TEX12: variants seen among roughly 807,000 people sequenced by gnomAD.
The protein encoded by TEX12 is testis-expressed protein 12.
TEX12 carries 7 observed loss-of-function variants against 14.6 expected under a neutral mutation model. That is an observed-to-expected ratio of 0.48 (90% CI 0.27 to 0.90). The LOEUF (loss-of-function observed/expected upper bound fraction) is 0.90, where lower values mean the gene tolerates loss of function less well. Ranked by LOEUF, TEX12 falls within the 40% of genes least tolerant of loss-of-function variation. The probability of loss-of-function intolerance (pLI) is 0.12; values close to 1 mark genes in which losing one functional copy is unlikely to be tolerated. For synonymous variants in TEX12, 57 were observed against 49.1 expected (o/e 1.16, Z -0.67); for missense variants, 121 against 135.7 (o/e 0.89, Z 0.54).
intron 1 of TEX12, among the ~76,000 whole-genome samples, chr11:112,167,762 G>A (rs1027769251): frequency 6.6e-6 from 1 of 152,164 alleles, no homozygotes; most frequent in Non-Finnish European, 1.5e-5. Context: ...CGTCCACCAG[G>A]CCTGGATCTG....
intron 2 of TEX12, 170 bp from the exon 3 acceptor site, chr11:112,170,249 G>A: frequency 2.0e-6 from 1 of 501,686 alleles, no homozygotes; most frequent in East Asian, 3.2e-5. Flanking sequence ...GGTGTTTCTT[G>A]GGCCTGTAAA....
At position 112,171,783 on chromosome 11, in the gene TEX12, C is replaced by T; in HGVS notation, c.239C>T (p.Ala80Val). ...TYAKLLSERA[A>V]VDASYIDEID... ...TTTTTTCCTATTAGTGAGAGAGCAG[C>T]AGTAGATGCATCTTACATTGATGAG... Residue 80 changes from alanine to valine, a missense_variant, in exon 5 of 5, where the codon GCA (alanine) becomes GTA (valine). By Grantham distance (64) the Ala-to-Val change is moderately conservative (BLOSUM62 0). Transcript: ENST00000280358. The T allele has an allele frequency of 6.4e-7, 1 of 1,555,780 alleles. No individual in the cohort carries two copies. Among genetic ancestry groups the T allele is most frequent in the Non-Finnish European group, 8.7e-7 (1 of 1,154,572 alleles).
intron 1 of TEX12, among the ~76,000 whole-genome samples, chr11:112,167,846 T>G (rs1866745283): frequency 6.6e-6 from 1 of 152,018 alleles, no homozygotes; most frequent in Non-Finnish European, 1.5e-5. Context: ...AGTTTTCGTT[T>G]GACATAGGTG....
rs772368874 is a variant in TEX12, at chr11:112,171,771, G to A, written c.228-1G>A. On this transcript the variant is annotated splice_acceptor_variant, in intron 4 of 4. Transcript: ENST00000280358. LOFTEE classifies it high-confidence loss of function. ...TAATATACAACTTTTTTTCCTATTA[G>A]TGAGAGAGCAGCAGTAGATGCATCT... is the stretch of plus-strand genomic sequence containing the variant. 6.5e-7 allele frequency: 1 copy of A among 1,528,754 alleles called. No homozygotes were observed. Among genetic ancestry groups the A allele is most frequent in the African/African-American group, 1.4e-5 (1 of 70,724 alleles). The allele number at this position is 1,528,754 out of a possible 1,614,324, so 94.7% of individuals were successfully genotyped here.
At position 112,171,950 on chromosome 11, in the gene TEX12, CTAT is replaced by C. The variant is rs767955827; in HGVS notation, c.*39_*41del. The C allele has an allele frequency of 1.8e-5, 25 of 1,366,022 alleles. No individual in the cohort carries two copies. The highest frequency in any genetic ancestry group is 1.6e-4 in the African/African-American group (11 of 67,054). The allele number at this position is 1,366,022 out of a possible 1,614,324, so 84.6% of individuals were successfully genotyped here. ...CTTGAAATAAGCTGAGAATTTAAAC[CTAT>C]TATTGTTATAATGAAAGAATGACAT... On this transcript the variant is annotated 3_prime_UTR_variant, in exon 5 of 5. Transcript: ENST00000280358.
chr11:112,170,783 C>A, intron 4 of TEX12, 109 bp downstream of exon 4: 1 of 827,974 alleles, frequency 1.2e-6, no homozygotes, highest in Non-Finnish European at 1.9e-6. Flanking sequence ...GTAATTAAAA[C>A]TTTGGAATTT....
rs1866778535 is a variant in TEX12 at position 112,170,605 on chromosome 11, A to G, written c.176-18A>G. 1 of 1,608,216 alleles carries G rather than the reference A, an allele frequency of 6.2e-7. No individual in the cohort carries two copies. Among genetic ancestry groups the G allele is most frequent in the African/African-American group, 1.3e-5 (1 of 74,704 alleles). ...AGGTTTGTTATATTTTATAACTTAAATGATTTTTCTTGAACAGATGTGAGC... is the reference window on the plus strand; with the variant it reads ...AGGTTTGTTATATTTTATAACTTAAGTGATTTTTCTTGAACAGATGTGAGC... On this transcript the variant is annotated intron_variant, in intron 3 of 4. Transcript: ENST00000280358.
chr11:112,170,372 T>A (rs775558445), intron 2 of TEX12, 47 bp from the exon 3 acceptor site: 6 of 1,294,816 alleles, frequency 4.6e-6, no homozygotes, highest in Non-Finnish European at 6.6e-6. Context: ...GTATATGTCC[T>A]GAAGATCTTA....
Position 112,169,255 on chromosome 11 carries a change from G to A in TEX12, c.-14G>A, listed in dbSNP as rs1374325371. On this transcript the variant is annotated splice_region_variant and 5_prime_UTR_variant, in exon 2 of 5. Transcript: ENST00000280358. ...TGGCATTGTTCTAAGCTTTGTAGCT[G>A]GTGCCTTCGGAATATGATGGCAAAT... 6.2e-7 allele frequency: 1 copy of A among 1,610,212 alleles called. No homozygotes were observed. The highest frequency in any genetic ancestry group is 1.7e-5 in the Admixed American group (1 of 59,994).
Position 112,172,225 on chromosome 11 carries a change from TC to T in TEX12, c.*311del, listed in dbSNP as rs1866800896. The stretch of plus-strand genomic sequence containing the variant: ...ATCTTATGTGGATTCTTTTATTTTT[TC>T]CTTAAACTTCTTAGTGTTTCTGAAA... On this transcript the variant is annotated 3_prime_UTR_variant, in exon 5 of 5. Transcript: ENST00000280358. 6.3e-6 allele frequency: 1 copy of T among 158,494 alleles called. No individual in the cohort carries two copies. Among genetic ancestry groups the T allele is most frequent in the Admixed American group, 6.5e-5 (1 of 15,462 alleles). The allele number at this position is 158,494 out of a possible 1,614,324, so 9.8% of individuals were successfully genotyped here.
chr11:112,167,520 T>A (rs532249453), intron 1 of TEX12, 33 bp downstream of exon 1: 2 of 152,424 alleles, frequency 1.3e-5, no homozygotes, highest in East Asian at 3.9e-4. Flanking sequence ...TGAGGGGCTC[T>A]AGTGGGGCGG....
intron 4 of TEX12, among the ~76,000 whole-genome samples, 155 bp downstream of exon 4, chr11:112,170,829 G>A (rs1025765431): frequency 4.0e-5 from 6 of 151,850 alleles, no homozygotes; most frequent in Admixed American, 1.3e-4. Flanking sequence ...TAGATTAGTT[G>A]GTTATTTTCA....
intron 4 of TEX12, among the ~76,000 whole-genome samples, chr11:112,171,421 T>C (rs1005746839): frequency 6.6e-6 from 1 of 152,066 alleles, no homozygotes; most frequent in African/African-American, 2.4e-5. Context: ...TAAGACCAAA[T>C]TTAAATACTT....
intron 3 of TEX12, 40 bp from the exon 4 acceptor site, chr11:112,170,583 T>A: frequency 1.3e-6 from 2 of 1,594,116 alleles, no homozygotes; most frequent in South Asian, 1.1e-5. Flanking sequence ...ATGCAGAAGG[T>A]TTGTTATATT....
At chr11:112,167,752 C>G (rs764689981) in intron 1 of TEX12, among the ~76,000 whole-genome samples, 4 of 152,130 alleles carry the variant, frequency 2.6e-5, no homozygotes, top group Non-Finnish European at 5.9e-5. Context: ...AAGACCAGCC[C>G]GTCCACCAGG....
intron 4 of TEX12, among the ~76,000 whole-genome samples, 187 bp from the exon 5 acceptor site, chr11:112,171,584 CT>C (rs1232451899): frequency 6.6e-6 from 1 of 151,586 alleles, no homozygotes; most frequent in Non-Finnish European, 1.5e-5. Flanking sequence ...GTCAGGAGAC[CT>C]TTTTGAGTAG....
chr11:112,169,202 C>A (rs1231374474), intron 1 of TEX12, 51 bp from the exon 2 acceptor site: 18 of 1,226,348 alleles, frequency 1.5e-5, no homozygotes, highest in Non-Finnish European at 2.2e-5. Flanking sequence ...TTCCAGAGAG[C>A]TTGTAGCATG....
intron 1 of TEX12, among the ~76,000 whole-genome samples, 169 bp downstream of exon 1, chr11:112,167,656 G>T (rs1866742891): frequency 1.3e-5 from 2 of 152,124 alleles, no homozygotes; most frequent in South Asian, 2.1e-4. Flanking sequence ...GCTGCATGGG[G>T]CAGAGGGGAC....
At chr11:112,171,658 G>A (rs2135335485) in intron 4 of TEX12, 114 bp from the exon 5 acceptor site, 1 of 668,868 alleles carries the variant, frequency 1.5e-6, no homozygotes, top group Middle Eastern at 4.9e-4. Flanking sequence ...ATGAAGTTCT[G>A]TGGCACATAA....
Sources: allele counts gnomAD v4.1 joint callset (sites outside exome capture counted in the v4.1 genomes callset), GRCh38; gene constraint gnomAD v4.1.1; transcripts MANE v1.5; gene names NCBI Gene and HGNC (gene_info 2026-07-23, HGNC 2026-07-21).